LRRIQ4: variants seen among roughly 807,000 people sequenced by gnomAD.
LRRIQ4 encodes the protein leucine-rich repeat and IQ domain-containing protein 4.
Under a neutral mutation model 40.1 loss-of-function variants are expected in LRRIQ4, and 21 were observed. The ratio of observed to expected loss-of-function variants is 0.52; its 90% CI spans 0.37 to 0.75. The LOEUF (loss-of-function observed/expected upper bound fraction) is 0.75. Ranked by LOEUF, LRRIQ4 falls within the 30% of genes least tolerant of loss-of-function variation. The probability of loss-of-function intolerance (pLI) is 0.00; values close to 1 mark genes in which losing one functional copy is unlikely to be tolerated. For missense variants in LRRIQ4, 655 were observed against 660.0 expected, an observed-to-expected ratio of 0.99 and a Z score of 0.08; for synonymous variants, 277 against 277.1, an observed-to-expected ratio of 1.00 and a Z score of 0.00.
At chr3:169,836,589 C>T (rs1780307919) in intron 5 of LRRIQ4, among the ~76,000 whole-genome samples, 1 of 152,192 alleles carries the variant, frequency 6.6e-6, no homozygotes, top group African/African-American at 2.4e-5. Flanking sequence ...GTTATGACCT[C>T]ATATAAATCT....
chr3:169,820,528 T>C (rs1043954102), intron 1 of LRRIQ4, among the ~76,000 whole-genome samples: 2 of 147,962 alleles, frequency 1.4e-5, no homozygotes, highest in African/African-American at 5.0e-5. Context: ...TAGGGGAATA[T>C]TGACATCTTT....
chr3:169,828,382 G>A (rs779301452), intron 2 of LRRIQ4, among the ~76,000 whole-genome samples: 2 of 152,054 alleles, frequency 1.3e-5, no homozygotes, highest in Non-Finnish European at 2.9e-5. Context: ...ATAGGCACCC[G>A]CTACCACACC....
intron 4 of LRRIQ4, 23 bp downstream of exon 4, chr3:169,830,653 C>G (rs372940837): frequency 3.1e-6 from 5 of 1,613,472 alleles, no homozygotes. Context: ...AGTAGATTCA[C>G]AGCCTAGCAG....
intron 1 of LRRIQ4, among the ~76,000 whole-genome samples, chr3:169,816,499 T>C (rs1457607955): frequency 6.6e-6 from 1 of 152,094 alleles, no homozygotes; most frequent in Non-Finnish European, 1.5e-5. Context: ...TCCTTTTTCA[T>C]CTCTGATTTT....
Position 169,831,237 on chromosome 3 carries a change from A to C in LRRIQ4, c.1333+607A>C, listed in dbSNP as rs1335394273. Among the ~76,000 whole-genome samples the C allele has an allele frequency of 2.7e-4, 38 of 139,862 alleles. 1 individual carries two copies. Among genetic ancestry groups the C allele is most frequent in the Admixed American group, 2.6e-3 (36 of 13,956 alleles). The allele number at this position is 139,862 out of a possible 152,430, so 91.8% of individuals were successfully genotyped here. On this transcript the variant is annotated intron_variant, in intron 4 of 5. Coordinates refer to ENST00000340806, the MANE Select transcript of LRRIQ4 (RefSeq NM_001080460.3). The stretch of plus-strand genomic sequence containing the variant: ...TTTTTTCTGAATCCTAGGCTTATGC[A>C]CATGTTTTCAAACTATGGCTATTCT...
chr3:169,837,742 G>T lies in LRRIQ4; in HGVS notation c.*111G>T. 3 of 826,918 alleles carry T rather than the reference G, an allele frequency of 3.6e-6. No individual in the cohort carries two copies. Among genetic ancestry groups the T allele is most frequent in the Non-Finnish European group, 3.6e-6 (2 of 562,816 alleles). The allele number at this position is 826,918 out of a possible 1,614,324, so 51.2% of individuals were successfully genotyped here. A position where few individuals can be genotyped will look rare whatever the true frequency, so the allele number is the denominator to read the frequency against. ...ATTATTCATAAAATTACACTTATGT[G>T]TAAAAATAAATGATTCTTACTTTTA... On this transcript the variant is annotated 3_prime_UTR_variant, in exon 6 of 6. Transcript: ENST00000340806.
At chr3:169,818,221 C>T (rs1779804913) in intron 1 of LRRIQ4, among the ~76,000 whole-genome samples, 1 of 152,224 alleles carries the variant, frequency 6.6e-6, no homozygotes, top group South Asian at 2.1e-4. Context: ...TCTCTCTGTG[C>T]CACATGGCTG....
intron 2 of LRRIQ4, among the ~76,000 whole-genome samples, chr3:169,825,651 A>G (rs1780025247): frequency 6.6e-6 from 1 of 152,264 alleles, no homozygotes; most frequent in Non-Finnish European, 1.5e-5. Context: ...TCCTTTTCTG[A>G]GAGAAATTTT....
intron 5 of LRRIQ4, among the ~76,000 whole-genome samples, chr3:169,833,713 C>T (rs1411865004): frequency 6.6e-6 from 1 of 152,176 alleles, no homozygotes; most frequent in Non-Finnish European, 1.5e-5. Flanking sequence ...CCCAAGTCCC[C>T]ATCATCTCAC....
chr3:169,837,063 A>T (rs1780318972), intron 5 of LRRIQ4, among the ~76,000 whole-genome samples: 1 of 152,196 alleles, frequency 6.6e-6, no homozygotes, highest in East Asian at 1.9e-4. Flanking sequence ...AGGCAGGAGC[A>T]CAGACAGCCC....
At chr3:169,825,498 G>A (rs1310341892) in intron 2 of LRRIQ4, among the ~76,000 whole-genome samples, 2 of 152,168 alleles carry the variant, frequency 1.3e-5, no homozygotes, top group East Asian at 1.9e-4. Flanking sequence ...GTGAGAGCCC[G>A]GCCCTGAACT....
chr3:169,817,841 CTTGTGGGCCACAGATCGATCA>C (rs1273605629), intron 1 of LRRIQ4, among the ~76,000 whole-genome samples: 3 of 152,052 alleles, frequency 2.0e-5, no homozygotes, highest in Admixed American at 2.0e-4. Context: ...AAATGTATTT[CTTGTGGGCCACAGATCGATCA>C]TTGGGTCTTG....
intron 3 of LRRIQ4, among the ~76,000 whole-genome samples, chr3:169,829,954 T>G (rs1780124570): frequency 1.3e-5 from 2 of 152,224 alleles, no homozygotes; most frequent in Admixed American, 1.3e-4. Flanking sequence ...ACACCTTTCA[T>G]CAGCTTTTCC....
chr3:169,821,241 G>A (rs888195360), intron 1 of LRRIQ4, among the ~76,000 whole-genome samples: 1 of 152,190 alleles, frequency 6.6e-6, no homozygotes, highest in Non-Finnish European at 1.5e-5. Flanking sequence ...TTTAAAAGAT[G>A]AGGTTTTTCC....
intron 1 of LRRIQ4, among the ~76,000 whole-genome samples, chr3:169,815,175 G>A (rs1455502835): frequency 2.6e-5 from 4 of 152,140 alleles, no homozygotes; most frequent in Non-Finnish European, 4.4e-5. Flanking sequence ...TGTGAAGAAG[G>A]TCTTTGGTAT....
rs763853123 is a variant in LRRIQ4 at position 169,837,711 on chromosome 3, A to G, written c.*80A>G. The G allele has an allele frequency of 1.9e-6, 2 of 1,050,772 alleles. No homozygotes were observed. Among genetic ancestry groups the G allele is most frequent in the South Asian group, 1.8e-5 (1 of 54,408 alleles). 65.1% of individuals were successfully genotyped at this position (1,050,772 alleles called of 1,614,324 possible). A position where few individuals can be genotyped will look rare whatever the true frequency, so the allele number is the denominator to read the frequency against. ...TATCTAGGAATTAGATGCCTACTAC[A>G]TTAAAATTATTCATAAAATTACACT... On this transcript the variant is annotated 3_prime_UTR_variant, in exon 6 of 6. Coordinates refer to ENST00000340806, the MANE Select transcript of LRRIQ4 (RefSeq NM_001080460.3).
Position 169,822,915 on chromosome 3 carries a change from G to C in LRRIQ4, c.994G>C (p.Gly332Arg). The stretch of plus-strand genomic sequence containing the variant: ...TGCACTGAAGAACCTTGAAGTCCTG[G>C]GACTGGATGACAATAAAATAGGACA... Reference protein sequence around the residue: ...ICALKNLEVLGLDDNKIGQLP... With the variant: ...ICALKNLEVLRLDDNKIGQLP... The change falls in exon 2 of 6, where the codon GGA (glycine) becomes CGA (arginine). Residue 332 changes from glycine (G) to arginine (R), a missense_variant. Physicochemically the swap from Gly to Arg is moderately radical, Grantham distance 125. Transcript: ENST00000340806. 2 of 1,547,304 alleles carry C rather than the reference G, an allele frequency of 1.3e-6. No individual in the cohort carries two copies.
intron 3 of LRRIQ4, among the ~76,000 whole-genome samples, chr3:169,829,576 A>G (rs758655599): frequency 4.9e-4 from 73 of 149,138 alleles, no homozygotes; most frequent in South Asian, 2.1e-3. Context: ...GCAATGGCTC[A>G]CTGCAACCTC....
chr3:169,836,604 A>G (rs1780308300), intron 5 of LRRIQ4, among the ~76,000 whole-genome samples: 1 of 152,134 alleles, frequency 6.6e-6, no homozygotes. Flanking sequence ...AAATCTAATC[A>G]TCTCCTCAAA....
Sources: gnomAD v4.1 joint callset for allele counts (sites outside exome capture counted in the v4.1 genomes callset) on GRCh38, gnomAD v4.1.1 for gene constraint, MANE v1.5 for transcripts, NCBI Gene and HGNC (gene_info 2026-07-23, HGNC 2026-07-21) for gene names.